STYX: variants seen among roughly 807,000 people sequenced by gnomAD.
STYX encodes the protein serine/threonine/tyrosine interacting protein, also known as serine/threonine/tyrosine-interacting protein.
A neutral mutation model predicts 42.7 loss-of-function variants in STYX; 20 were observed. The observed-to-expected ratio is 0.47, with a 90% CI of 0.33 to 0.68. The LOEUF is 0.68. Among genes scored for constraint, STYX ranks in the 30% least tolerant of loss-of-function variants. The pLI is 0.02. For missense variants in STYX, 226 were observed against 268.5 expected (o/e 0.84, Z 1.11); for synonymous variants, 78 against 81.9 (o/e 0.95, Z 0.26).
Position 52,757,866 on chromosome 14 carries a change from C to T in STYX, c.381-8C>T. On this transcript the variant is annotated splice_polypyrimidine_tract_variant and splice_region_variant and intron_variant, in intron 7 of 10. Coordinates refer to ENST00000354586, the MANE Select transcript of STYX (RefSeq NM_145251.4). ...TGGTTGTTTTTAAAATTATTTTCCC[C>T]TCTTCAGTGCAGCCTTTGTTATTGC... The T allele has an allele frequency of 6.2e-7, 1 of 1,612,846 alleles. No individual in the cohort carries two copies. Among genetic ancestry groups the T allele is most frequent in the Non-Finnish European group, 8.5e-7 (1 of 1,179,768 alleles).
At position 52,741,835 on chromosome 14, in the gene STYX, A is replaced by G. The variant is rs149344347; in HGVS notation, c.58-3017A>G. The stretch of plus-strand genomic sequence containing the variant: ...TAGTCTGGTCATATTTTGATACTCT[A>G]ATTTCTTTAAATTTTTTATATTTTT... On this transcript the variant is annotated intron_variant, in intron 1 of 10. Coordinates refer to ENST00000354586, the MANE Select transcript of STYX (RefSeq NM_145251.4). Among the ~76,000 whole-genome samples the G allele has an allele frequency of 3.2e-3, 494 of 152,106 alleles. 2 individuals are homozygous for G. The highest frequency in any genetic ancestry group is 0.013 in the South Asian group (63 of 4,816).
At chr14:52,758,544 CTATT>C (rs1594878228) in intron 8 of STYX, among the ~76,000 whole-genome samples, 1 of 152,126 alleles carries the variant, frequency 6.6e-6, no homozygotes, top group Non-Finnish European at 1.5e-5. Flanking sequence ...TTAAAAATAT[CTATT>C]CTTAAAGGAA....
chr14:52,736,734 G>A (rs1014698819), intron 1 of STYX, among the ~76,000 whole-genome samples: 9 of 152,110 alleles, frequency 5.9e-5, no homozygotes, highest in Admixed American at 5.2e-4. Context: ...GACCCTACCA[G>A]CACCTATTGT....
rs1281064002 is a variant in STYX at position 52,738,056 on chromosome 14, G to A, written c.58-6796G>A. Among the ~76,000 whole-genome samples the A allele has an allele frequency of 5.3e-5, 8 of 152,326 alleles. No individual in the cohort carries two copies. The South Asian group carries it at 8.3e-4, about 16-fold the overall frequency. Reference sequence around the variant, plus strand: ...CTCCCAAAGTGCTGGGATTACAGGCGTGAGCCACTGTGCCCGGCCAACAGG... The same window carrying A: ...CTCCCAAAGTGCTGGGATTACAGGCATGAGCCACTGTGCCCGGCCAACAGG... On this transcript the variant is annotated intron_variant, in intron 1 of 10. Coordinates refer to ENST00000354586, the MANE Select transcript of STYX (RefSeq NM_145251.4).
intron 9 of STYX, among the ~76,000 whole-genome samples, chr14:52,764,935 C>G (rs1029593240): frequency 6.6e-6 from 1 of 152,132 alleles, no homozygotes; most frequent in Non-Finnish European, 1.5e-5. Context: ...TCCCGAAGTG[C>G]TGGGATTACG....
intron 1 of STYX, among the ~76,000 whole-genome samples, chr14:52,739,435 G>A (rs1031565731): frequency 4.0e-5 from 6 of 151,876 alleles, no homozygotes; most frequent in African/African-American, 1.5e-4. Flanking sequence ...GCTTCAGGAA[G>A]ATAAGGCTGG....
In STYX at chr14:52,761,405, TG is replaced by T. The variant is rs537938963; in HGVS notation, c.504+1653del. On this transcript the variant is annotated intron_variant, in intron 9 of 10. Coordinates refer to ENST00000354586, the MANE Select transcript of STYX (RefSeq NM_145251.4). ...GAATATACCTGTAAGGTAACTGAAG[TG>T]GAATTGGTGGATTCCAGTGCCTTTG... 1.2e-3 allele frequency among the ~76,000 whole-genome samples: 178 copies of T among 151,812 alleles called. 1 individual carries two copies. Among genetic ancestry groups the T allele is most frequent in the African/African-American group, 4.3e-3 (176 of 41,358 alleles).
At position 52,771,125 on chromosome 14, in the gene STYX, A is replaced by G; in HGVS notation, c.*19A>G. 6.3e-7 allele frequency: 1 copy of G among 1,586,912 alleles called. No individual in the cohort carries two copies. Among genetic ancestry groups the G allele is most frequent in the Non-Finnish European group, 8.6e-7 (1 of 1,164,338 alleles). ...TGGCTGACTTGAAGAGCAACATCAT[A>G]GAGTGTGAATTTCTATTTGGGAAGG... On this transcript the variant is annotated 3_prime_UTR_variant, in exon 11 of 11. Transcript: ENST00000354586.
rs937509099 is a variant in STYX at position 52,773,968 on chromosome 14, C to T, written c.*2862C>T. ...ATCAAAACATAGGGAAACTGTATTA[C>T]TGTCCATTTTGAAAATATGAAACTT... On this transcript the variant is annotated 3_prime_UTR_variant, in exon 11 of 11. Transcript: ENST00000354586. 2 of 152,172 alleles carry T rather than the reference C, an allele frequency of 1.3e-5. No individual in the cohort carries two copies. The highest frequency in any genetic ancestry group is 2.9e-5 in the Non-Finnish European group (2 of 68,044). 9.4% of individuals were successfully genotyped at this position (152,172 alleles called of 1,614,324 possible).
chr14:52,766,961 C>A (rs1882326139), intron 9 of STYX, among the ~76,000 whole-genome samples: 1 of 151,690 alleles, frequency 6.6e-6, no homozygotes, highest in African/African-American at 2.4e-5. Flanking sequence ...AAGCAGAGAA[C>A]AAAACAGACA....
chr14:52,751,512 C>T (rs529406851), intron 4 of STYX, among the ~76,000 whole-genome samples: 3 of 151,898 alleles, frequency 2.0e-5, no homozygotes, highest in Admixed American at 6.5e-5. Context: ...TTTTCCAGTG[C>T]GTTGTATCAG....
intron 4 of STYX, among the ~76,000 whole-genome samples, chr14:52,754,341 T>C (rs913887906): frequency 3.3e-5 from 5 of 151,966 alleles, no homozygotes; most frequent in Non-Finnish European, 5.9e-5. Flanking sequence ...GCCTTCCAAG[T>C]AGCTGGGACT....
At chr14:52,737,861 C>T (rs899066562) in intron 1 of STYX, among the ~76,000 whole-genome samples, 2 of 152,120 alleles carry the variant, frequency 1.3e-5, no homozygotes, top group South Asian at 2.1e-4. Context: ...CTGCAAGCTC[C>T]GCCTCCCGGG....
At chr14:52,749,179 C>T (rs1881510680) in intron 3 of STYX, among the ~76,000 whole-genome samples, 1 of 152,088 alleles carries the variant, frequency 6.6e-6, no homozygotes, top group Non-Finnish European at 1.5e-5. Context: ...CCTCACACGG[C>T]CAAGAGAACG....
intron 2 of STYX, 123 bp from the exon 3 acceptor site, chr14:52,746,303 A>G: frequency 3.2e-6 from 2 of 621,204 alleles, no homozygotes; most frequent in Non-Finnish European, 5.3e-6. Flanking sequence ...AAAATAGATA[A>G]TAGTTCCAAT....
At chr14:52,751,449 TTG>T (rs1202649474) in intron 4 of STYX, among the ~76,000 whole-genome samples, 1 of 152,214 alleles carries the variant, frequency 6.6e-6, no homozygotes, top group Non-Finnish European at 1.5e-5. Context: ...ATTTGCAGAA[TTG>T]CTGGATATAA....
At chr14:52,765,256 C>G (rs924819081) in intron 9 of STYX, among the ~76,000 whole-genome samples, 2 of 151,974 alleles carry the variant, frequency 1.3e-5, no homozygotes, top group Non-Finnish European at 2.9e-5. Context: ...ACTCTGTCGC[C>G]CAGGCTGGAA....
At position 52,774,240 on chromosome 14, in the gene STYX, G is replaced by T. The variant is rs557062244; in HGVS notation, c.*3134G>T. 1.3e-5 allele frequency: 2 copies of T among 152,198 alleles called. No individual in the cohort carries two copies. The highest frequency in any genetic ancestry group is 6.5e-5 in the Admixed American group (1 of 15,288). 9.4% of individuals were successfully genotyped at this position (152,198 alleles called of 1,614,324 possible). On this transcript the variant is annotated 3_prime_UTR_variant, in exon 11 of 11. Coordinates refer to ENST00000354586, the MANE Select transcript of STYX (RefSeq NM_145251.4). ...ATGTCAGAAAATGTTAAGCATGTCT[G>T]TATTAAGAAAATATAAGGTTTCTAA... is the stretch of plus-strand genomic sequence containing the variant.
rs575885306 is a variant in STYX, at chr14:52,760,457, A to G, written c.504+703A>G. On this transcript the variant is annotated intron_variant, in intron 9 of 10. Coordinates refer to ENST00000354586, the MANE Select transcript of STYX (RefSeq NM_145251.4). Reference sequence around the variant, plus strand: ...TGATGCCTGGCAGATGCACTGACAAAGATGATAAGTCTATGAATTAACCTA... The same window carrying G: ...TGATGCCTGGCAGATGCACTGACAAGGATGATAAGTCTATGAATTAACCTA... Among the ~76,000 whole-genome samples the G allele has an allele frequency of 3.9e-5, 6 of 152,306 alleles. No homozygotes were observed. The South Asian group carries it at 1.2e-3, about 32-fold the overall frequency.
Sources: gnomAD v4.1 joint callset for allele counts (sites outside exome capture counted in the v4.1 genomes callset) on GRCh38, gnomAD v4.1.1 for gene constraint, MANE v1.5 for transcripts, NCBI Gene and HGNC (gene_info 2026-07-23, HGNC 2026-07-21) for gene names.